DNAJC5: variants seen among roughly 807,000 people sequenced by gnomAD.
DNAJC5 encodes DnaJ heat shock protein family (Hsp40) member C5.
A neutral mutation model predicts 23.2 loss-of-function variants in DNAJC5; 1 was observed. The observed-to-expected ratio is 0.04, with a 90% CI of 0.02 to 0.20. DNAJC5 has a LOEUF of 0.20. Ranked by LOEUF, DNAJC5 falls within the 10% of genes least tolerant of loss-of-function variation. The probability of loss-of-function intolerance (pLI) is 1.00; values close to 1 mark genes in which losing one functional copy is unlikely to be tolerated. For synonymous variants in DNAJC5, 136 were observed against 120.0 expected (o/e 1.13, Z -0.87); for missense variants, 180 against 267.0 (o/e 0.67, Z 2.27).
intron 1 of DNAJC5, among the ~76,000 whole-genome samples, chr20:63,918,924 C>T (rs1440040553): frequency 6.6e-6 from 1 of 152,202 alleles, no homozygotes; most frequent in Non-Finnish European, 1.5e-5. Flanking sequence ...TTCTGTATTT[C>T]ACATAATACA....
At position 63,928,467 on chromosome 20, in the gene DNAJC5, G is replaced by A; in HGVS notation, c.107+15G>A. 3 of 1,607,468 alleles carry A rather than the reference G, an allele frequency of 1.9e-6. No individual in the cohort carries two copies. The highest frequency in any genetic ancestry group is 2.6e-6 in the Non-Finnish European group (3 of 1,174,132). On this transcript the variant is annotated intron_variant, in intron 2 of 4. Transcript: ENST00000360864. This position sits in a 1 kb window ranked among gnomAD's most constrained non-coding sequence, Gnocchi z 4.6. Reference sequence around the variant, plus strand: ...AAGTCCTATCGGTAAGTGGACAAGTGTGGCCCCCACATCCCCCCAGGAAGA... The same window carrying A: ...AAGTCCTATCGGTAAGTGGACAAGTATGGCCCCCACATCCCCCCAGGAAGA...
intron 1 of DNAJC5, among the ~76,000 whole-genome samples, chr20:63,906,779 CTG>C (rs1198574710): frequency 2.0e-5 from 3 of 151,948 alleles, no homozygotes; most frequent in Admixed American, 1.3e-4. Flanking sequence ...GATCGAGACT[CTG>C]TCTCAAAAAA....
chr20:63,935,222 A>C lies in DNAJC5; in HGVS notation c.*3654A>C, dbSNP rs1600893269. 1 of 152,244 alleles carries C rather than the reference A, an allele frequency of 6.6e-6. No homozygotes were observed. Among genetic ancestry groups the C allele is most frequent in the Non-Finnish European group, 1.5e-5 (1 of 68,054 alleles). The allele number at this position is 152,244 out of a possible 1,614,324, so 9.4% of individuals were successfully genotyped here. On this transcript the variant is annotated 3_prime_UTR_variant, in exon 5 of 5. Transcript: ENST00000360864. Reference sequence around the variant, plus strand: ...ATATGTGTATATGTATATATCACGCAGCAGGAGTGTCATTCATGCTGCTGT... The same window carrying C: ...ATATGTGTATATGTATATATCACGCCGCAGGAGTGTCATTCATGCTGCTGT...
At chr20:63,899,027 C>T (rs763755006) in intron 1 of DNAJC5, among the ~76,000 whole-genome samples, 4 of 152,272 alleles carry the variant, frequency 2.6e-5, no homozygotes, top group Admixed American at 2.0e-4. Context: ...GGCCTTCCTT[C>T]GTGAAAGAGG....
rs540724445 is a variant in DNAJC5 at position 63,931,392 on chromosome 20, G to A, written c.494-73G>A. 69 of 1,401,426 alleles carry A rather than the reference G, an allele frequency of 4.9e-5. 2 individuals carry two copies. The South Asian group carries it at 6.0e-4, about 12-fold the overall frequency. 86.8% of individuals were successfully genotyped at this position (1,401,426 alleles called of 1,614,324 possible). On this transcript the variant is annotated intron_variant, in intron 4 of 4. Transcript: ENST00000360864. The surrounding 1 kb of genome is among the most constrained non-coding windows in gnomAD (Gnocchi z 9.6). ...GAGTTTGTCCAGGTGCCCGAAAGTC[G>A]CTCCACAGGACCAGCGTTGGGTGCG...
At chr20:63,919,420 A>G in intron 1 of DNAJC5, 2 of 487,598 alleles carry the variant, frequency 4.1e-6, no homozygotes, top group South Asian at 3.0e-5. Context: ...GGCCCAGGAC[A>G]GCGCCACGGA....
intron 1 of DNAJC5, among the ~76,000 whole-genome samples, chr20:63,908,057 C>T (rs1000618040): frequency 1.1e-4 from 16 of 152,202 alleles, no homozygotes; most frequent in Non-Finnish European, 1.9e-4. Context: ...TGAGCCACTG[C>T]GCCTGGCCCT....
chr20:63,927,948 GTTTA>G (rs2053629759), intron 1 of DNAJC5, among the ~76,000 whole-genome samples: 1 of 151,950 alleles, frequency 6.6e-6, no homozygotes, highest in Admixed American at 6.6e-5. Context: ...AATTTATTTT[GTTTA>G]TTTATATATT....
Position 63,932,207 on chromosome 20 carries a change from T to A in DNAJC5, c.*639T>A, listed in dbSNP as rs981212277. The A allele has an allele frequency of 1.9e-5, 3 of 157,598 alleles. No homozygotes were observed. The highest frequency in any genetic ancestry group is 7.2e-5 in the African/African-American group (3 of 41,386). The allele number at this position is 157,598 out of a possible 1,614,324, so 9.8% of individuals were successfully genotyped here. On this transcript the variant is annotated 3_prime_UTR_variant, in exon 5 of 5. Transcript: ENST00000360864. The surrounding 1 kb of genome is among the most constrained non-coding windows in gnomAD (Gnocchi z 4.4). ...TGGTTTCCTGGGCCTTGTGGCAGGG[T>A]TTCTCCCGTGGGAGAATTTGGTGTG...
rs2053667166 is a variant in DNAJC5 at position 63,931,194 on chromosome 20, G to A, written c.493+172G>A. The A allele has an allele frequency of 3.7e-6, 3 of 817,856 alleles. No individual in the cohort carries two copies. Among genetic ancestry groups the A allele is most frequent in the South Asian group, 1.5e-5 (1 of 66,956 alleles). The allele number at this position is 817,856 out of a possible 1,614,324, so 50.7% of individuals were successfully genotyped here. On this transcript the variant is annotated intron_variant, in intron 4 of 4. Coordinates refer to ENST00000360864, the MANE Select transcript of DNAJC5 (RefSeq NM_025219.3). The surrounding 1 kb of genome is among the most constrained non-coding windows in gnomAD (Gnocchi z 9.6). ...ACGTGGACCCTGAGGTAAAGCAGGC[G>A]CATAGAGCTGTCCCCGCCGTGACCT...
chr20:63,900,784 T>C (rs1040566645), intron 1 of DNAJC5, among the ~76,000 whole-genome samples: 12 of 152,136 alleles, frequency 7.9e-5, no homozygotes, highest in Non-Finnish European at 1.5e-5. Context: ...AATTTTTGTG[T>C]TGTGTTGTGA....
chr20:63,927,980 G>C (rs1470983017), intron 1 of DNAJC5, among the ~76,000 whole-genome samples: 2 of 152,058 alleles, frequency 1.3e-5, no homozygotes, highest in African/African-American at 4.8e-5. Flanking sequence ...AAGGAACAGG[G>C]TCCCTGTCTC....
At chr20:63,904,523 C>A (rs1280860602) in intron 1 of DNAJC5, among the ~76,000 whole-genome samples, 1 of 152,188 alleles carries the variant, frequency 6.6e-6, no homozygotes, top group African/African-American at 2.4e-5. Context: ...GAACAGGGAG[C>A]TGGTCCAGCT....
chr20:63,909,738 G>A (rs1254825637), intron 1 of DNAJC5, among the ~76,000 whole-genome samples: 1 of 152,216 alleles, frequency 6.6e-6, no homozygotes, highest in Non-Finnish European at 1.5e-5. Context: ...CTACTGAATC[G>A]ATTGCTGGTT....
chr20:63,915,509 A>G (rs1406504119), intron 1 of DNAJC5, among the ~76,000 whole-genome samples: 1 of 152,118 alleles, frequency 6.6e-6, no homozygotes, highest in Non-Finnish European at 1.5e-5. Flanking sequence ...TACTTGTAAC[A>G]TTTTTAACCA....
At chr20:63,922,810 AT>A (rs1206189422) in intron 1 of DNAJC5, among the ~76,000 whole-genome samples, 1 of 151,876 alleles carries the variant, frequency 6.6e-6, no homozygotes, top group East Asian at 1.9e-4. Flanking sequence ...TTACCTAGGT[AT>A]TTACCATTTC....
chr20:63,928,281 C>A lies in DNAJC5; in HGVS notation c.-11-54C>A. 1 of 1,427,044 alleles carries A rather than the reference C, an allele frequency of 7.0e-7. No homozygotes were observed. The highest frequency in any genetic ancestry group is 9.8e-7 in the Non-Finnish European group (1 of 1,017,418). The allele number at this position is 1,427,044 out of a possible 1,614,324, so 88.4% of individuals were successfully genotyped here. A position where few individuals can be genotyped will look rare whatever the true frequency, so the allele number is the denominator to read the frequency against. On this transcript the variant is annotated intron_variant, in intron 1 of 4. Coordinates refer to ENST00000360864, the MANE Select transcript of DNAJC5 (RefSeq NM_025219.3). This position sits in a 1 kb window ranked among gnomAD's most constrained non-coding sequence, Gnocchi z 4.6. The stretch of plus-strand genomic sequence containing the variant: ...ATGGAATAAAGTCCATCAGCTCTGC[C>A]CTTGGTACTTTCATCTATACTTTGT...
rs762228571 is a variant in DNAJC5, at chr20:63,929,426, C to T, written c.222C>T (p.Asn74=). The change falls in exon 3 of 5, where the codon AAC becomes AAT. Residue 74 remains asparagine, a synonymous_variant. Transcript: ENST00000360864. The surrounding 1 kb of genome is among the most constrained non-coding windows in gnomAD (Gnocchi z 8.6). ...HAILTDATKR[N]IYDKYGSLGL... Reference sequence around the variant, plus strand: ...TCCTCACGGACGCCACAAAAAGGAACATCTACGACAAGTACGGCTCGCTGG... The same window carrying T: ...TCCTCACGGACGCCACAAAAAGGAATATCTACGACAAGTACGGCTCGCTGG... 6.2e-7 allele frequency: 1 copy of T among 1,614,216 alleles called. No homozygotes were observed. Among genetic ancestry groups the T allele is most frequent in the African/African-American group, 1.3e-5 (1 of 75,060 alleles).
At chr20:63,900,192 A>G (rs1007676050) in intron 1 of DNAJC5, among the ~76,000 whole-genome samples, 7 of 152,044 alleles carry the variant, frequency 4.6e-5, no homozygotes, top group Non-Finnish European at 8.8e-5. Context: ...CCCAGCCCCA[A>G]GTTGGTCTTG....
Sources: gnomAD v4.1 joint callset for allele counts (sites outside exome capture counted in the v4.1 genomes callset) on GRCh38, gnomAD v4.1.1 for gene constraint, Gnocchi (gnomAD v3.1) non-coding constraint, MANE v1.5 for transcripts, NCBI Gene and HGNC (gene_info 2026-07-23, HGNC 2026-07-21) for gene names.